LAMP5: variants seen among roughly 807,000 people sequenced by gnomAD.
LAMP5 encodes lysosome-associated membrane glycoprotein 5.
LAMP5 carries 36 observed loss-of-function variants against 30.2 expected under a neutral mutation model. The ratio of observed to expected loss-of-function variants is 1.19; its 90% CI spans 0.91 to 1.57. The LOEUF is 1.57. Among genes scored for constraint, LAMP5 ranks in the 40% most tolerant of loss-of-function variants. The pLI is 0.00. For synonymous variants in LAMP5, 149 were observed against 134.6 expected, an observed-to-expected ratio of 1.11 and a Z score of -0.74; for missense variants, 377 against 354.9, an observed-to-expected ratio of 1.06 and a Z score of -0.50.
At chr20:9,524,594 C>T (rs1306899674) in intron 5 of LAMP5, among the ~76,000 whole-genome samples, 5 of 36,114 alleles carry the variant, frequency 1.4e-4, no homozygotes, top group African/African-American at 1.9e-4. Flanking sequence ...CCAGATCGAA[C>T]TAAAAAAAAA....
In LAMP5 at chr20:9,518,178, C is replaced by T. The variant is rs780169385; in HGVS notation, c.614C>T (p.Ala205Val). 6.2e-6 allele frequency: 10 copies of T among 1,614,020 alleles called. No homozygotes were observed. In the Admixed American group the frequency reaches 8.3e-5, roughly 13 times the overall value. Residue 205 changes from alanine to valine, a missense_variant, in exon 5 of 6, where the codon GCG becomes GTG. Physicochemically the swap from Ala to Val is moderately conservative, Grantham distance 64. Coordinates refer to ENST00000246070, the MANE Select transcript of LAMP5 (RefSeq NM_012261.4). ...PQKTVTMILS[A>V]VHIQPFDIIS... ...AAGACGGTCACCATGATCCTGTCTG[C>T]GGTCCACATCCAACCTTTTGACATT...
At chr20:9,528,321 T>TGC (rs71331378) in intron 5 of LAMP5, among the ~76,000 whole-genome samples, 43,787 of 151,118 alleles carry the variant, frequency 0.29, 6,835 homozygotes, top group African/African-American at 0.41. Flanking sequence ...TGTGTGTGTG[T>TGC]GCGTGTGTGT....
At position 9,516,038 on chromosome 20, in the gene LAMP5, A is replaced by C. The variant is rs759713665; in HGVS notation, c.276A>C (p.Gly92=). 1.7e-4 allele frequency: 256 copies of C among 1,534,932 alleles called. No homozygotes were observed. The highest frequency in any genetic ancestry group is 2.2e-4 in the Non-Finnish European group (248 of 1,147,804). ...AGGCCGATATCGCATTGACCCGGGG[A>C]GCTGAGGTGAAGGGCCGCTGTGGCC... The part of the protein sequence containing the change: ...TEQADIALTR[G]AEVKGRCGHS... The change falls in exon 3 of 6, where the codon GGA becomes GGC. Residue 92 remains glycine (G), a synonymous_variant. Transcript: ENST00000246070.
intron 1 of LAMP5, 28 bp from the exon 2 acceptor site, chr20:9,515,425 T>A: frequency 6.2e-7 from 1 of 1,603,648 alleles, no homozygotes; most frequent in Non-Finnish European, 8.5e-7. Flanking sequence ...AGCCCTGAAC[T>A]GATGGAATTG....
At chr20:9,526,903 CACACACATACAAA>C (rs2045118300) in intron 5 of LAMP5, among the ~76,000 whole-genome samples, 1 of 93,202 alleles carries the variant, frequency 1.1e-5, no homozygotes, top group Non-Finnish European at 2.6e-5. Context: ...TATATATATA[CACACACATACAAA>C]ACAGTTGTAT....
chr20:9,517,165 G>A (rs1362121901), intron 4 of LAMP5, among the ~76,000 whole-genome samples: 3 of 152,118 alleles, frequency 2.0e-5, no homozygotes, highest in East Asian at 1.9e-4. Context: ...GTAAAAGGAG[G>A]ATTTTTTCTT....
chr20:9,518,105 G>C lies in LAMP5; in HGVS notation c.541G>C (p.Glu181Gln), dbSNP rs745966700. The C allele has an allele frequency of 2.3e-5, 37 of 1,614,074 alleles. No homozygotes were observed. The highest frequency in any genetic ancestry group is 2.2e-4 in the Admixed American group (13 of 60,010). ...GGTCACCCCCGCTGGGAAGTCCTATGAGTGTCAAGCTCAACAAACCATTTC... is the reference window on the plus strand; with the variant it reads ...GGTCACCCCCGCTGGGAAGTCCTATCAGTGTCAAGCTCAACAAACCATTTC... ...ALVTPAGKSYECQAQQTISLA... is the reference protein window; with the variant it reads ...ALVTPAGKSYQCQAQQTISLA... The change falls in exon 5 of 6, where the codon GAG (glutamate) becomes CAG (glutamine). Residue 181 changes from glutamate to glutamine, a missense_variant. Coordinates refer to ENST00000246070, the MANE Select transcript of LAMP5 (RefSeq NM_012261.4).
chr20:9,520,563 G>T (rs1396194370), intron 5 of LAMP5, among the ~76,000 whole-genome samples: 1 of 149,724 alleles, frequency 6.7e-6, no homozygotes, highest in African/African-American at 2.5e-5. Context: ...TACTGCAGGG[G>T]TGTGTCCGTG....
At chr20:9,526,899 T>TATATAC (rs2045118049) in intron 5 of LAMP5, among the ~76,000 whole-genome samples, 1 of 122,392 alleles carries the variant, frequency 8.2e-6, no homozygotes, top group African/African-American at 3.3e-5. Flanking sequence ...TATATATATA[T>TATATAC]ATACACACAC....
chr20:9,514,628 G>T lies in LAMP5; in HGVS notation c.-225G>T, dbSNP rs897739858. The T allele has an allele frequency of 1.2e-5, 6 of 496,790 alleles. No homozygotes were observed. Among genetic ancestry groups the T allele is most frequent in the South Asian group, 2.4e-5 (1 of 41,812 alleles). 30.8% of individuals were successfully genotyped at this position (496,790 alleles called of 1,614,324 possible). A position where few individuals can be genotyped will look rare whatever the true frequency, so the allele number is the denominator to read the frequency against. ...CACTCGCAGCCGTGGACCGCCGTGC[G>T]GTCCTTTCCTCCGCAGTGAGCCGAT... On this transcript the variant is annotated 5_prime_UTR_variant, in exon 1 of 6. Transcript: ENST00000246070.
chr20:9,517,918 C>A (rs1871425044), intron 4 of LAMP5, 122 bp from the exon 5 acceptor site: 1 of 782,448 alleles, frequency 1.3e-6, no homozygotes. Flanking sequence ...CTAGCCCTGG[C>A]AAGGGAACAG....
At chr20:9,517,486 G>A (rs2045049314) in intron 4 of LAMP5, among the ~76,000 whole-genome samples, 1 of 151,838 alleles carries the variant, frequency 6.6e-6, no homozygotes, top group Non-Finnish European at 1.5e-5. Context: ...CCACCAGGGT[G>A]GAGGGCAGTG....
At chr20:9,526,892 A>G (rs1396494628) in intron 5 of LAMP5, among the ~76,000 whole-genome samples, 1 of 141,420 alleles carries the variant, frequency 7.1e-6, no homozygotes, top group African/African-American at 2.5e-5. Flanking sequence ...ATATATATAT[A>G]TATATATATA....
intron 5 of LAMP5, among the ~76,000 whole-genome samples, chr20:9,522,487 C>A (rs1264699479): frequency 2.6e-5 from 4 of 152,178 alleles, no homozygotes; most frequent in Non-Finnish European, 5.9e-5. Context: ...CCTGAGTAAG[C>A]AGCCAACGGT....
At chr20:9,526,353 C>A (rs1409602694) in intron 5 of LAMP5, among the ~76,000 whole-genome samples, 2 of 152,130 alleles carry the variant, frequency 1.3e-5, no homozygotes, top group African/African-American at 4.8e-5. Flanking sequence ...CGCCTGCAAA[C>A]CAATCAAACC....
chr20:9,521,436 G>C (rs555051565), intron 5 of LAMP5, among the ~76,000 whole-genome samples: 1 of 152,322 alleles, frequency 6.6e-6, no homozygotes, highest in East Asian at 1.9e-4. Context: ...CAAATAATTG[G>C]ATGTGTAAAG....
intron 5 of LAMP5, 149 bp downstream of exon 5, chr20:9,518,377 A>C (rs574798379): frequency 2.5e-4 from 166 of 663,896 alleles, no homozygotes; most frequent in Non-Finnish European, 4.0e-4. Flanking sequence ...TTCAAAGACT[A>C]AAAAAGCAGT....
At chr20:9,522,972 CTTT>C (rs60017722) in intron 5 of LAMP5, among the ~76,000 whole-genome samples, 29 of 104,156 alleles carry the variant, frequency 2.8e-4, no homozygotes, top group African/African-American at 1.0e-3. Context: ...ATACTTAAAT[CTTT>C]TTTTTTTTTT....
At position 9,515,598 on chromosome 20, in the gene LAMP5, T is replaced by G. The variant is rs2045030428; in HGVS notation, c.210T>G (p.Tyr70Ter). 2 of 1,613,986 alleles carry G rather than the reference T, an allele frequency of 1.2e-6. No homozygotes were observed. Among genetic ancestry groups the G allele is most frequent in the Admixed American group, 1.7e-5 (1 of 60,002 alleles). Residue 70 changes from tyrosine (Y) to a stop codon, truncating the protein, a stop_gained, in exon 2 of 6, where the codon TAT (tyrosine) becomes TAG (stop). Coordinates refer to ENST00000246070, the MANE Select transcript of LAMP5 (RefSeq NM_012261.4). LOFTEE classifies it high-confidence loss of function. Reference protein sequence around the residue: ...AEFAAKFIVPYDVWASNYVDL... With the variant: ...AEFAAKFIVP Reference sequence around the variant, plus strand: ...TTGCAGCCAAATTTATTGTACCTTATGATGTGTGGGCCAGCAACTACGTAG... The same window carrying G: ...TTGCAGCCAAATTTATTGTACCTTAGGATGTGTGGGCCAGCAACTACGTAG...
Sources: allele counts gnomAD v4.1 joint callset (sites outside exome capture counted in the v4.1 genomes callset), GRCh38; gene constraint gnomAD v4.1.1; transcripts MANE v1.5; gene names NCBI Gene and HGNC (gene_info 2026-07-23, HGNC 2026-07-21).